EXOSC1: variants seen among roughly 807,000 people sequenced by gnomAD.
EXOSC1 encodes exosome component 1, also known as exosome complex component CSL4.
A neutral mutation model predicts 31.4 loss-of-function variants in EXOSC1; 27 were observed. The observed-to-expected ratio is 0.86, with a 90% CI of 0.63 to 1.18. The LOEUF is 1.18. EXOSC1 is among the 50% of genes most tolerant of loss of function. The probability of loss-of-function intolerance (pLI) is 0.00; values close to 1 mark genes in which losing one functional copy is unlikely to be tolerated. For missense variants in EXOSC1, 228 were observed against 250.3 expected (o/e 0.91, Z 0.60); for synonymous variants, 84 against 89.5 (o/e 0.94, Z 0.35).
chr10:97,440,343 C>A (rs1226649741), intron 4 of EXOSC1, among the ~76,000 whole-genome samples: 1 of 151,816 alleles, frequency 6.6e-6, no homozygotes, highest in Non-Finnish European at 1.5e-5. Context: ...TTTGCTTTAC[C>A]TTTTATTTAT....
At chr10:97,438,055 G>A (rs1384805842) in intron 5 of EXOSC1, among the ~76,000 whole-genome samples, 1 of 151,906 alleles carries the variant, frequency 6.6e-6, no homozygotes, top group Non-Finnish European at 1.5e-5. Flanking sequence ...GAGTAGCTGG[G>A]ATTATAGGTG....
In EXOSC1 at chr10:97,437,727, G is replaced by A. The variant is rs1471293401; in HGVS notation, c.369C>T (p.Arg123=). ...KDKVEIYKSF[R]PGDIVLAKVI... is the part of the protein sequence containing the mutation. Reference sequence around the variant, plus strand: ...CTTTGGCCAAGACAATGTCACCTGGGCGGAAACTCTTATAAATTTCAACCT... The same window carrying A: ...CTTTGGCCAAGACAATGTCACCTGGACGGAAACTCTTATAAATTTCAACCT... Residue 123 remains arginine (R), a synonymous_variant, in exon 6 of 8, where the codon CGC becomes CGT. Transcript: ENST00000370902. The A allele has an allele frequency of 6.2e-7, 1 of 1,613,386 alleles. No individual in the cohort carries two copies. The highest frequency in any genetic ancestry group is 8.5e-7 in the Non-Finnish European group (1 of 1,179,550).
Position 97,445,440 on chromosome 10 carries a change from G to A in EXOSC1, c.147+292C>T, listed in dbSNP as rs553506468. The A allele has an allele frequency of 2.9e-5, 14 of 483,218 alleles. No homozygotes were observed. The East Asian group carries it at 3.8e-4, about 13-fold the overall frequency. 29.9% of individuals were successfully genotyped at this position (483,218 alleles called of 1,614,324 possible). ...CGGAAAGGTAAGCAACATTCATACA[G>A]TATGCAACTCACTGCTGGGCTGAGC... On this transcript the variant is annotated intron_variant, in intron 2 of 7. Coordinates refer to ENST00000370902, the MANE Select transcript of EXOSC1 (RefSeq NM_016046.5).
At chr10:97,442,264 C>CTCCTA (rs1845744259) in intron 3 of EXOSC1, among the ~76,000 whole-genome samples, 1 of 152,096 alleles carries the variant, frequency 6.6e-6, no homozygotes, top group African/African-American at 2.4e-5. Context: ...CAAAAATAGG[C>CTCCTA]CTCCTAATCA....
intron 2 of EXOSC1, chr10:97,445,202 C>G (rs1027391624): frequency 1.3e-5 from 2 of 153,906 alleles, no homozygotes; most frequent in East Asian, 3.8e-4. Flanking sequence ...ATTAAATAGG[C>G]CTAGGAAGAT....
Position 97,436,460 on chromosome 10 carries a change from T to C in EXOSC1, c.573A>G (p.Glu191=). ...AAGTGGCTTCTTAGGTCTGCAAGAA[T>C]TCGGGTTGTACTCGGGCTACTTTCC... ...EFRKVARVQP[E]FLQT The change falls in exon 8 of 8, where the codon GAA becomes GAG. Residue 191 remains glutamate, a synonymous_variant. Coordinates refer to ENST00000370902, the MANE Select transcript of EXOSC1 (RefSeq NM_016046.5). 6.2e-7 allele frequency: 1 copy of C among 1,613,120 alleles called. No individual in the cohort carries two copies. The highest frequency in any genetic ancestry group is 1.1e-5 in the South Asian group (1 of 90,970).
At chr10:97,438,125 G>A (rs527595174) in intron 5 of EXOSC1, among the ~76,000 whole-genome samples, 13 of 152,052 alleles carry the variant, frequency 8.5e-5, no homozygotes, top group African/African-American at 3.1e-4. Context: ...CACCATGTTG[G>A]TCAGGCTGGT....
chr10:97,445,710 G>A (rs761173632), intron 2 of EXOSC1, 22 bp downstream of exon 2: 1 of 1,609,564 alleles, frequency 6.2e-7, no homozygotes, highest in East Asian at 2.2e-5. Flanking sequence ...ACAGAGGGGA[G>A]ATGGCATGCC....
Position 97,445,858 on chromosome 10 carries a change from A to T in EXOSC1, c.32-11T>A. The T allele has an allele frequency of 6.2e-7, 1 of 1,613,612 alleles. No individual in the cohort carries two copies. The highest frequency in any genetic ancestry group is 8.5e-7 in the Non-Finnish European group (1 of 1,179,608). Reference sequence around the variant, plus strand: ...TACACAGACGTTCGCCTGCAGAAAAAATGCTGCATCGGTCACGGGCCCCCA... The same window carrying T: ...TACACAGACGTTCGCCTGCAGAAAATATGCTGCATCGGTCACGGGCCCCCA... On this transcript the variant is annotated splice_polypyrimidine_tract_variant and intron_variant, in intron 1 of 7. Coordinates refer to ENST00000370902, the MANE Select transcript of EXOSC1 (RefSeq NM_016046.5).
intron 3 of EXOSC1, among the ~76,000 whole-genome samples, chr10:97,441,792 GTTTTT>G (rs760097494): frequency 7.8e-6 from 1 of 128,252 alleles, no homozygotes; most frequent in Non-Finnish European, 1.7e-5. Context: ...ATCCGGCTGG[GTTTTT>G]TTTTTTTTTT....
At chr10:97,439,264 GA>G (rs1845641728) in intron 4 of EXOSC1, among the ~76,000 whole-genome samples, 1 of 152,224 alleles carries the variant, frequency 6.6e-6, no homozygotes, top group South Asian at 2.1e-4. Flanking sequence ...CTCAGGGCTT[GA>G]ACAGAAGCAC....
At chr10:97,441,558 T>A (rs1845716951) in intron 3 of EXOSC1, among the ~76,000 whole-genome samples, 1 of 150,340 alleles carries the variant, frequency 6.7e-6, no homozygotes, top group Non-Finnish European at 1.5e-5. Context: ...TGGCGCGATC[T>A]TGGCTCACCG....
intron 3 of EXOSC1, 52 bp downstream of exon 3, chr10:97,443,185 T>C: frequency 3.4e-6 from 5 of 1,480,608 alleles, no homozygotes; most frequent in Non-Finnish European, 4.7e-6. Flanking sequence ...GGTATGGTCA[T>C]GATTTCAGTA....
chr10:97,443,201 T>G, intron 3 of EXOSC1, 36 bp downstream of exon 3: 1 of 1,554,904 alleles, frequency 6.4e-7, no homozygotes. Context: ...CAGTATTGAA[T>G]GGGCATTCTA....
rs749011600 is a variant in EXOSC1, at chr10:97,436,484, C to T, written c.549G>A (p.Arg183=). The change falls in exon 8 of 8, where the codon CGG becomes CGA. Residue 183 remains arginine (R), a synonymous_variant. Transcript: ENST00000370902. The part of the protein sequence containing the change: ...QCPKTHTKEF[R]KVARVQPEFL... ...ATTCGGGTTGTACTCGGGCTACTTT[C>T]CGGAATTCTTTAGTGTGGGTCTTAG... 1.2e-5 allele frequency: 19 copies of T among 1,613,422 alleles called. No individual in the cohort carries two copies. Among genetic ancestry groups the T allele is most frequent in the Non-Finnish European group, 1.5e-5 (18 of 1,179,786 alleles).
chr10:97,440,176 T>C (rs972186742), intron 4 of EXOSC1, among the ~76,000 whole-genome samples: 2 of 152,062 alleles, frequency 1.3e-5, no homozygotes, highest in Non-Finnish European at 2.9e-5. Context: ...TTCTCCATGT[T>C]GGTCAGGCTG....
chr10:97,442,541 C>G (rs530261154), intron 3 of EXOSC1, among the ~76,000 whole-genome samples: 89 of 152,300 alleles, frequency 5.8e-4, no homozygotes, highest in Middle Eastern at 3.4e-3. Context: ...TCTTGAGAGA[C>G]AGAGTCTTGC....
At chr10:97,445,099 A>G (rs893822155) in intron 2 of EXOSC1, 2 of 152,178 alleles carry the variant, frequency 1.3e-5, no homozygotes, top group Non-Finnish European at 2.9e-5. Flanking sequence ...ACAAACAAAA[A>G]CAAAACACCC....
chr10:97,443,393 A>AT, intron 2 of EXOSC1, 82 bp from the exon 3 acceptor site: 1 of 1,188,972 alleles, frequency 8.4e-7, no homozygotes, highest in South Asian at 1.3e-5. Flanking sequence ...TAATATAGGA[A>AT]TGTCTTGGTA....
Sources: allele counts gnomAD v4.1 joint callset (sites outside exome capture counted in the v4.1 genomes callset), GRCh38; gene constraint gnomAD v4.1.1; transcripts MANE v1.5; gene names NCBI Gene and HGNC (gene_info 2026-07-23, HGNC 2026-07-21).